LTBP1: variants seen among roughly 807,000 people sequenced by gnomAD.
LTBP1 encodes the protein latent-transforming growth factor beta-binding protein 1.
In LTBP1, 129 loss-of-function variants were observed where a neutral mutation model predicts 207.6. The ratio of observed to expected loss-of-function variants is 0.62; its 90% CI spans 0.54 to 0.72. The LOEUF (loss-of-function observed/expected upper bound fraction) is 0.72. Among genes scored for constraint, LTBP1 ranks in the 30% least tolerant of loss-of-function variants. LTBP1 has a pLI of 0.00. For synonymous variants in LTBP1, 963 were observed against 833.7 expected (o/e 1.16, Z -2.67); for missense variants, 2,281 against 2,217.2 (o/e 1.03, Z -0.58).
chr2:33,387,713 G>T (rs936288564), intron 31 of LTBP1, among the ~76,000 whole-genome samples: 15 of 148,492 alleles, frequency 1.0e-4, no homozygotes, highest in Admixed American at 4.1e-4. Flanking sequence ...AGCCTTCAGG[G>T]TTCACAGTAT....
intron 5 of LTBP1, among the ~76,000 whole-genome samples, chr2:33,157,725 T>C (rs1558723433): frequency 6.6e-6 from 1 of 152,156 alleles, no homozygotes; most frequent in African/African-American, 2.4e-5. Flanking sequence ...ACGAGGAGCA[T>C]CAGAGAGAGA....
chr2:33,221,806 C>G (rs923431251), intron 8 of LTBP1, among the ~76,000 whole-genome samples: 1 of 152,010 alleles, frequency 6.6e-6, no homozygotes, highest in African/African-American at 2.4e-5. Flanking sequence ...TATGTAATCA[C>G]TAATTAGAAG....
chr2:33,174,709 A>G (rs2085840312), intron 5 of LTBP1, among the ~76,000 whole-genome samples: 1 of 152,196 alleles, frequency 6.6e-6, no homozygotes, highest in African/African-American at 2.4e-5. Context: ...GTGAATCCTA[A>G]GCCAAAAAAA....
intron 33 of LTBP1, 69 bp from the exon 34 acceptor site, chr2:33,398,295 G>GC: frequency 6.9e-7 from 1 of 1,458,252 alleles, no homozygotes; most frequent in East Asian, 2.3e-5. Context: ...CCTCAGGTAA[G>GC]CCTCAGGTTA....
chr2:33,290,985 CT>C (rs2093763348), intron 19 of LTBP1, among the ~76,000 whole-genome samples: 2 of 152,310 alleles, frequency 1.3e-5, no homozygotes, highest in South Asian at 2.1e-4. Context: ...GACCTTCCTT[CT>C]TTGTAGAGAT....
At chr2:32,997,400 C>T (rs1166630202) in intron 2 of LTBP1, among the ~76,000 whole-genome samples, 3 of 152,152 alleles carry the variant, frequency 2.0e-5, no homozygotes, top group Non-Finnish European at 4.4e-5. Flanking sequence ...GTCCTAGCTT[C>T]CCAGGAGGCT....
At chr2:33,245,493 C>A (rs2092480525) in intron 10 of LTBP1, among the ~76,000 whole-genome samples, 1 of 152,212 alleles carries the variant, frequency 6.6e-6, no homozygotes, top group Admixed American at 6.5e-5. Context: ...GGAAGTTTTA[C>A]ACGTAAGTCC....
chr2:33,347,492 C>T lies in LTBP1; in HGVS notation c.3982C>T (p.Arg1328Cys), dbSNP rs143905974. 26 of 1,613,976 alleles carry T rather than the reference C, an allele frequency of 1.6e-5. No individual in the cohort carries two copies. Among genetic ancestry groups the T allele is most frequent in the East Asian group, 1.6e-4 (7 of 44,896 alleles). The change falls in exon 26 of 34, where the codon CGC (arginine) becomes TGC (cysteine). Residue 1328 changes from arginine (R) to cysteine (C), a missense_variant. Physicochemically the swap from Arg to Cys is radical, Grantham distance 180 (BLOSUM62 -3). This residue lies in a region of LTBP1 where 1,671 missense variants were observed against 1,634.8 expected (regional missense o/e 1.02). Transcript: ENST00000404816. ...QEYSPMTGQC[R>C]SRTSTDLDVD... ...GTACAGCCCCATGACTGGGCAGTGC[C>T]GCTCCCGGACCTCCACAGGTAAGTC...
rs772943307 is a variant in LTBP1, at chr2:33,275,883, T to C, written c.2952T>C (p.Cys984=). ...TGGGGGCCTTCCGGTGTGAATACTG[T>C]GACAGCGGGTACCGCATGACTCAGA... ...NTVGAFRCEY[C]DSGYRMTQRG... The change falls in exon 18 of 34, where the codon TGT becomes TGC. Residue 984 remains cysteine (C), a synonymous_variant. Transcript: ENST00000404816. The C allele has an allele frequency of 6.2e-7, 1 of 1,609,940 alleles. No homozygotes were observed.
intron 4 of LTBP1, among the ~76,000 whole-genome samples, chr2:33,120,940 G>T (rs1023258167): frequency 1.3e-5 from 2 of 152,120 alleles, no homozygotes; most frequent in Non-Finnish European, 2.9e-5. Context: ...AGACTTACAT[G>T]CAGTTTCTTA....
intron 31 of LTBP1, among the ~76,000 whole-genome samples, chr2:33,378,732 G>A (rs1395583948): frequency 1.3e-5 from 2 of 152,144 alleles, no homozygotes; most frequent in Non-Finnish European, 2.9e-5. Flanking sequence ...TCTTCTTAAC[G>A]AACCTAATAA....
intron 5 of LTBP1, among the ~76,000 whole-genome samples, chr2:33,176,427 A>G (rs934004045): frequency 2.0e-4 from 30 of 152,092 alleles, no homozygotes; most frequent in Non-Finnish European, 4.0e-4. Flanking sequence ...GGGTTTCACC[A>G]TGTTGGCCAG....
Position 33,339,492 on chromosome 2 carries a change from C to G in LTBP1, c.3731-3346C>G, listed in dbSNP as rs1487482950. On this transcript the variant is annotated intron_variant, in intron 24 of 33. Coordinates refer to ENST00000404816, the MANE Select transcript of LTBP1 (RefSeq NM_206943.4). Reference sequence around the variant, plus strand: ...GCCTGTGTTAAGTGATTTGGTGACGCGATGCAGTTCCTCCTCAAGTTGTGA... The same window carrying G: ...GCCTGTGTTAAGTGATTTGGTGACGGGATGCAGTTCCTCCTCAAGTTGTGA... Among the ~76,000 whole-genome samples the G allele has an allele frequency of 2.6e-5, 4 of 152,128 alleles. No homozygotes were observed. The South Asian group carries it at 8.3e-4, about 31-fold the overall frequency.
At chr2:33,052,686 G>T (rs1481596630) in intron 3 of LTBP1, among the ~76,000 whole-genome samples, 2 of 152,138 alleles carry the variant, frequency 1.3e-5, no homozygotes, top group African/African-American at 4.8e-5. Context: ...TATACTATTT[G>T]TAAGTTTTCT....
chr2:33,026,806 A>G (rs1489172201), intron 3 of LTBP1, among the ~76,000 whole-genome samples: 1 of 152,258 alleles, frequency 6.6e-6, no homozygotes, highest in Non-Finnish European at 1.5e-5. Flanking sequence ...TTGAAATTAC[A>G]TACAGAAAAG....
At chr2:33,156,766 A>G (rs1321015096) in intron 5 of LTBP1, among the ~76,000 whole-genome samples, 2 of 152,228 alleles carry the variant, frequency 1.3e-5, no homozygotes, top group Non-Finnish European at 2.9e-5. Flanking sequence ...ACATGTAACC[A>G]GTGTATACTT....
chr2:33,007,944 G>A (rs1375972567), intron 2 of LTBP1, among the ~76,000 whole-genome samples: 1 of 152,176 alleles, frequency 6.6e-6, no homozygotes, highest in Non-Finnish European at 1.5e-5. Context: ...GTTGAGCTGG[G>A]GCTTGGTTTT....
intron 5 of LTBP1, among the ~76,000 whole-genome samples, chr2:33,182,330 C>T (rs2086722076): frequency 6.6e-6 from 1 of 151,876 alleles, no homozygotes; most frequent in Admixed American, 6.6e-5. Flanking sequence ...TTGGGAATAC[C>T]TTGTAAAAGT....
chr2:33,201,849 C>G (rs936327811), intron 7 of LTBP1, among the ~76,000 whole-genome samples: 3 of 152,092 alleles, frequency 2.0e-5, no homozygotes, highest in East Asian at 1.9e-4. Flanking sequence ...TAAAGTGACA[C>G]AAGAACTGTT....
Sources: allele counts gnomAD v4.1 joint callset (sites outside exome capture counted in the v4.1 genomes callset), GRCh38; gene constraint gnomAD v4.1.1; regional missense constraint gnomAD v4.1.1; transcripts MANE v1.5; gene names NCBI Gene and HGNC (gene_info 2026-07-23, HGNC 2026-07-21).